PDC: variants seen among roughly 807,000 people sequenced by gnomAD.
PDC encodes phosducin.
In PDC, 19 loss-of-function variants were observed where a neutral mutation model predicts 22.2. That is an observed-to-expected ratio of 0.86 (90% CI 0.60 to 1.26). The LOEUF (loss-of-function observed/expected upper bound fraction) is 1.26, where lower values mean the gene tolerates loss of function less well. Among genes scored for constraint, PDC ranks in the 50% most tolerant of loss-of-function variants. The pLI is 0.00. For synonymous variants in PDC, 97 were observed against 96.2 expected, an observed-to-expected ratio of 1.01 and a Z score of -0.05; for missense variants, 274 against 286.8, an observed-to-expected ratio of 0.96 and a Z score of 0.32.
chr1:186,450,077 A>C (rs1315189252), intron 1 of PDC, among the ~76,000 whole-genome samples: 1 of 152,186 alleles, frequency 6.6e-6, no homozygotes, highest in Non-Finnish European at 1.5e-5. Flanking sequence ...TAAGTGGTGG[A>C]GCAAAGATTT....
rs60652778 is a variant in PDC at position 186,454,950 on chromosome 1, C to T, written c.-24-5467G>A. Among the ~76,000 whole-genome samples the T allele has an allele frequency of 5.9e-3, 906 of 152,324 alleles. 15 individuals carry two copies. Among genetic ancestry groups the T allele is most frequent in the African/African-American group, 0.021 (875 of 41,572 alleles). The stretch of plus-strand genomic sequence containing the variant: ...ATCTAGCCCAAGTTTTGTATAAAAT[C>T]TCAGTGTGTGGCTTATGTTTGAAAA... On this transcript the variant is annotated intron_variant, in intron 1 of 3. Transcript: ENST00000391997.
chr1:186,449,309 A>C, intron 2 of PDC, 90 bp downstream of exon 2: 1 of 607,348 alleles, frequency 1.6e-6, no homozygotes. Context: ...TATTACTTAA[A>C]GTACATACTG....
chr1:186,446,319 A>C (rs1374988044), intron 3 of PDC, 107 bp downstream of exon 3: 34 of 828,988 alleles, frequency 4.1e-5, no homozygotes, highest in Non-Finnish European at 5.6e-5. Flanking sequence ...AGCGTAAGCA[A>C]TATTGTAATG....
chr1:186,445,786 T>C (rs1167683339), intron 3 of PDC, among the ~76,000 whole-genome samples: 1 of 152,118 alleles, frequency 6.6e-6, no homozygotes, highest in African/African-American at 2.4e-5. Flanking sequence ...AGAATGAGAC[T>C]CTGTCTCAAA....
chr1:186,445,466 T>C (rs2102127374), intron 3 of PDC, among the ~76,000 whole-genome samples: 1 of 152,322 alleles, frequency 6.6e-6, no homozygotes, highest in Non-Finnish European at 1.5e-5. Flanking sequence ...TTCTGTTTCT[T>C]ATATTTGTTT....
In PDC at chr1:186,446,099, A is replaced by G. The variant is rs146766901; in HGVS notation, c.213+327T>C. Among the ~76,000 whole-genome samples the G allele has an allele frequency of 1.4e-4, 22 of 152,298 alleles. No homozygotes were observed. The East Asian group carries it at 4.2e-3, about 29-fold the overall frequency. On this transcript the variant is annotated intron_variant, in intron 3 of 3. Transcript: ENST00000391997. ...ATTTTACATGTTTCAAAATAGTTTT[A>G]CATTTATTTTTTCTTTACATGTTTT...
chr1:186,444,068 C>A lies in PDC; in HGVS notation c.652G>T (p.Glu218Ter). 1 of 1,613,404 alleles carries A rather than the reference C, an allele frequency of 6.2e-7. No individual in the cohort carries two copies. Residue 218 changes from glutamate to a stop codon, truncating the protein, a stop_gained, in exon 4 of 4, where the codon GAG becomes TAG. Transcript: ENST00000391997. LOFTEE classifies it high-confidence loss of function. ...AACCCATATTCATTTAGGAAAGACTCCACATCCCCAGCAAAAAATTCTTCA... is the reference window on the plus strand; with the variant it reads ...AACCCATATTCATTTAGGAAAGACTACACATCCCCAGCAAAAAATTCTTCA... ...FAEEFFAGDV[E>*]SFLNEYGLLP...
chr1:186,456,406 CTTAT>C (rs1189702540), intron 1 of PDC, among the ~76,000 whole-genome samples: 1 of 152,060 alleles, frequency 6.6e-6, no homozygotes, highest in Non-Finnish European at 1.5e-5. Context: ...TAAATGTATC[CTTAT>C]TCCTTTTTTC....
Position 186,454,957 on chromosome 1 carries a change from T to C in PDC, c.-24-5474A>G, listed in dbSNP as rs146242939. Among the ~76,000 whole-genome samples, 484 of 152,380 alleles carry C rather than the reference T, an allele frequency of 3.2e-3. 2 individuals carry two copies. Among genetic ancestry groups the C allele is most frequent in the African/African-American group, 0.011 (463 of 41,596 alleles). On this transcript the variant is annotated intron_variant, in intron 1 of 3. Transcript: ENST00000391997. ...CCAAGTTTTGTATAAAATCTCAGTG[T>C]GTGGCTTATGTTTGAAAACTAACAC...
chr1:186,458,800 G>A (rs1662521475), intron 1 of PDC, among the ~76,000 whole-genome samples: 1 of 152,240 alleles, frequency 6.6e-6, no homozygotes, highest in African/African-American at 2.4e-5. Flanking sequence ...AAGAATGGGA[G>A]TGTTATGGAG....
Position 186,444,171 on chromosome 1 carries a change from T to G in PDC, c.549A>C (p.Leu183Phe). 1 of 1,613,822 alleles carries G rather than the reference T, an allele frequency of 6.2e-7. No homozygotes were observed. The highest frequency in any genetic ancestry group is 1.7e-5 in the Admixed American group (1 of 60,010). ...AGATGAGCAGTGTAGGAAGTACATCTAAGGAAAAGCGGTCCCCAGCACCTG... is the reference window on the plus strand; with the variant it reads ...AGATGAGCAGTGTAGGAAGTACATCGAAGGAAAAGCGGTCCCCAGCACCTG... ...SNTGAGDRFS[L>F]DVLPTLLIYK... Residue 183 changes from leucine to phenylalanine, a missense_variant, in exon 4 of 4, where the codon TTA becomes TTC. Physicochemically the swap from Leu to Phe is conservative, Grantham distance 22. Transcript: ENST00000391997.
In PDC at chr1:186,459,752, G is replaced by GTATATATATATATATATATA. The variant is rs56927589; in HGVS notation, c.-25+1287_-25+1306dup. ...TACAATGGACAATATGTGTGTGTGT[G>GTATATATATATATATATATA]TATATATATATATATATATATATAT... On this transcript the variant is annotated intron_variant, in intron 1 of 3. Coordinates refer to ENST00000391997, the MANE Select transcript of PDC (RefSeq NM_002597.5). Among the ~76,000 whole-genome samples the GTATATATATATATATATATA allele has an allele frequency of 9.0e-3, 1,011 of 111,716 alleles. 24 individuals are homozygous for GTATATATATATATATATATA. Among genetic ancestry groups the GTATATATATATATATATATA allele is most frequent in the Non-Finnish European group, 0.013 (687 of 52,526 alleles). The allele number at this position is 111,716 out of a possible 152,430, so 73.3% of individuals were successfully genotyped here. A position where few individuals can be genotyped will look rare whatever the true frequency, so the allele number is the denominator to read the frequency against.
intron 1 of PDC, 66 bp downstream of exon 1, chr1:186,460,993 A>G (rs2102142708): frequency 6.5e-6 from 1 of 154,826 alleles, no homozygotes; most frequent in South Asian, 2.0e-4. Flanking sequence ...ACAGTGAATC[A>G]CCATTCTTTC....
chr1:186,458,118 A>G (rs535950143), intron 1 of PDC, among the ~76,000 whole-genome samples: 2 of 152,214 alleles, frequency 1.3e-5, no homozygotes, highest in South Asian at 4.1e-4. Flanking sequence ...TCATCAGTAA[A>G]AAAAAATTTA....
intron 1 of PDC, among the ~76,000 whole-genome samples, chr1:186,457,608 C>A (rs1400327555): frequency 6.6e-6 from 1 of 152,030 alleles, no homozygotes; most frequent in African/African-American, 2.4e-5. Context: ...TAAGACAATA[C>A]TTAGGATTTT....
At chr1:186,456,344 G>A (rs1662472415) in intron 1 of PDC, among the ~76,000 whole-genome samples, 1 of 152,058 alleles carries the variant, frequency 6.6e-6, no homozygotes, top group African/African-American at 2.4e-5. Flanking sequence ...AAACTAAAAG[G>A]TTGATGCTCA....
chr1:186,444,318 G>T lies in PDC; in HGVS notation c.402C>A (p.Thr134=). 1 of 1,613,752 alleles carries T rather than the reference G, an allele frequency of 6.2e-7. No individual in the cohort carries two copies. The highest frequency in any genetic ancestry group is 8.5e-7 in the Non-Finnish European group (1 of 1,179,722). ...CTTCATAAATGTGAACAACAATTGT[G>T]GTGATCTTCAGTTCCTTTTCAATTG... The part of the protein sequence containing the change: ...LETIEKELKI[T]TIVVHIYEDG... The change falls in exon 4 of 4, where the codon ACC becomes ACA. Residue 134 remains threonine (T), a synonymous_variant. Coordinates refer to ENST00000391997, the MANE Select transcript of PDC (RefSeq NM_002597.5).
At position 186,444,039 on chromosome 1, in the gene PDC, T is replaced by C. The variant is rs150416355; in HGVS notation, c.681A>G (p.Leu227=). The change falls in exon 4 of 4, where the codon CTA becomes CTG. Residue 227 remains leucine, a synonymous_variant. Transcript: ENST00000391997. ...VESFLNEYGL[L]PEREVHVLEH... The stretch of plus-strand genomic sequence containing the variant: ...CTAGGACATGTACCTCTCTTTCAGG[T>C]AGTAACCCATATTCATTTAGGAAAG... 6.2e-7 allele frequency: 1 copy of C among 1,612,278 alleles called. No homozygotes were observed. The highest frequency in any genetic ancestry group is 8.5e-7 in the Non-Finnish European group (1 of 1,178,470).
rs373965159 is a variant in PDC, at chr1:186,460,823, GGCTCAAAATT to G, written c.-25+226_-25+235del. On this transcript the variant is annotated intron_variant, in intron 1 of 3. Coordinates refer to ENST00000391997, the MANE Select transcript of PDC (RefSeq NM_002597.5). Reference sequence around the variant, plus strand: ...CTTATTTTAACAGTCTAGAATATCAGGCTCAAAATTGCGTGTTTACTCTGAATCTGTATTA... The same window carrying G: ...CTTATTTTAACAGTCTAGAATATCAGGCGTGTTTACTCTGAATCTGTATTA... Among the ~76,000 whole-genome samples the G allele has an allele frequency of 3.1e-3, 465 of 152,176 alleles. 2 individuals are homozygous for G. Among genetic ancestry groups the G allele is most frequent in the African/African-American group, 0.01 (432 of 41,504 alleles).
Sources: allele counts gnomAD v4.1 joint callset (sites outside exome capture counted in the v4.1 genomes callset), GRCh38; gene constraint gnomAD v4.1.1; transcripts MANE v1.5; gene names NCBI Gene and HGNC (gene_info 2026-07-23, HGNC 2026-07-21).